Variants in NAV2 observed in about 807,000 individuals in gnomAD.
NAV2 encodes neuron navigator 2.
A neutral mutation model predicts 223.2 loss-of-function variants in NAV2; 54 were observed. The observed-to-expected ratio is 0.24, with a 90% CI of 0.19 to 0.30. The LOEUF (loss-of-function observed/expected upper bound fraction) is 0.30, where lower values mean the gene tolerates loss of function less well. NAV2 is among the 10% of genes least tolerant of loss of function. NAV2 has a pLI of 1.00. For missense variants in NAV2, 2,806 were observed against 3,147.5 expected (o/e 0.89, Z 2.60); for synonymous variants, 1,279 against 1,239.3 (o/e 1.03, Z -0.67).
At chr11:19,533,312 T>C (rs1180910676) in intron 1 of NAV2, among the ~76,000 whole-genome samples, 1 of 152,014 alleles carries the variant, frequency 6.6e-6, no homozygotes, top group Non-Finnish European at 1.5e-5. Context: ...ACCTACTAGA[T>C]GCCATTAGCG....
intron 6 of NAV2, among the ~76,000 whole-genome samples, chr11:19,930,072 G>C (rs1426066420): frequency 6.6e-6 from 1 of 152,144 alleles, no homozygotes; most frequent in African/African-American, 2.4e-5. Context: ...GGGGGCGGGA[G>C]CTTTATTCAA....
rs143049697 is a variant in NAV2, at chr11:19,440,039, A to G, written c.75+89012A>G. Reference sequence around the variant, plus strand: ...CATGTATTTGAAGTTATATAATTAAAAGCTAGATAATAGAAGCATTCTTTC... The same window carrying G: ...CATGTATTTGAAGTTATATAATTAAGAGCTAGATAATAGAAGCATTCTTTC... On this transcript the variant is annotated intron_variant, in intron 1 of 37. Transcript: ENST00000360655. 1.2e-4 allele frequency among the ~76,000 whole-genome samples: 19 copies of G among 152,366 alleles called. No homozygotes were observed. The South Asian group carries it at 2.5e-3, about 20-fold the overall frequency.
chr11:19,809,850 T>A (rs185295858), intron 1 of NAV2, among the ~76,000 whole-genome samples: 45 of 152,350 alleles, frequency 3.0e-4, no homozygotes, highest in Non-Finnish European at 2.2e-4. Flanking sequence ...TTGTAGGTTT[T>A]GGAGAGGAAG....
intron 19 of NAV2, 121 bp downstream of exon 19, chr11:20,056,078 C>G (rs2058346174): frequency 1.2e-6 from 1 of 801,330 alleles, no homozygotes; most frequent in Non-Finnish European, 2.0e-6. Flanking sequence ...TATAAGTGCT[C>G]CCACCTCTCC....
chr11:19,995,031 A>G (rs2051730445), intron 11 of NAV2, among the ~76,000 whole-genome samples: 1 of 152,208 alleles, frequency 6.6e-6, no homozygotes, highest in African/African-American at 2.4e-5. Flanking sequence ...TTTGGTGATG[A>G]TTATGAATGC....
intron 1 of NAV2, among the ~76,000 whole-genome samples, chr11:19,548,891 A>C (rs2044597354): frequency 6.6e-6 from 1 of 151,874 alleles, no homozygotes; most frequent in South Asian, 2.1e-4. Flanking sequence ...AAAAAAAAAA[A>C]AAAAACACCC....
intron 1 of NAV2, among the ~76,000 whole-genome samples, chr11:19,728,305 G>A (rs1590201124): frequency 6.6e-6 from 1 of 152,188 alleles, no homozygotes. Flanking sequence ...CGCATATTCA[G>A]TGGTTCTTCA....
intron 1 of NAV2, among the ~76,000 whole-genome samples, chr11:19,735,993 G>C (rs1190554643): frequency 2.6e-4 from 40 of 152,312 alleles, no homozygotes; most frequent in Non-Finnish European, 1.5e-5. Context: ...CACCTGCCTG[G>C]CTACCAGTAT....
At chr11:19,729,014 C>A (rs1230639301) in intron 1 of NAV2, among the ~76,000 whole-genome samples, 1 of 152,144 alleles carries the variant, frequency 6.6e-6, no homozygotes, top group South Asian at 2.1e-4. Context: ...ACCCAGGGAG[C>A]TTGTTAAGTG....
intron 1 of NAV2, among the ~76,000 whole-genome samples, chr11:19,536,104 G>A (rs899380899): frequency 1.3e-5 from 2 of 152,162 alleles, no homozygotes; most frequent in African/African-American, 4.8e-5. Flanking sequence ...GCAATGTTAC[G>A]TGCCAAGTCT....
intron 5 of NAV2, among the ~76,000 whole-genome samples, chr11:19,888,009 G>A (rs1050452953): frequency 5.3e-5 from 8 of 151,640 alleles, no homozygotes; most frequent in South Asian, 2.1e-4. Context: ...GGATGCACTC[G>A]TAGGTTATGT....
At chr11:19,945,306 A>T (rs1480125434) in intron 8 of NAV2, among the ~76,000 whole-genome samples, 10 of 129,468 alleles carry the variant, frequency 7.7e-5, no homozygotes, top group Middle Eastern at 0.011. Context: ...TGTCTTTCTC[A>T]TCTTTCTTTC....
At chr11:20,117,854 T>C (rs1337397434) in intron 37 of NAV2, among the ~76,000 whole-genome samples, 3 of 152,182 alleles carry the variant, frequency 2.0e-5, no homozygotes, top group Non-Finnish European at 4.4e-5. Context: ...AATCCACCCA[T>C]AACATTATAG....
At chr11:19,812,617 C>T (rs1489266915) in intron 1 of NAV2, among the ~76,000 whole-genome samples, 1 of 151,900 alleles carries the variant, frequency 6.6e-6, no homozygotes, top group Admixed American at 6.6e-5. Flanking sequence ...ACCTAAGATG[C>T]CTTGGTAGTG....
intron 1 of NAV2, among the ~76,000 whole-genome samples, chr11:19,514,898 C>T (rs939923999): frequency 6.6e-6 from 1 of 152,158 alleles, no homozygotes; most frequent in Non-Finnish European, 1.5e-5. Flanking sequence ...GGCCTCTGAG[C>T]TGTTTAATTC....
chr11:19,726,118 A>G (rs914608750), intron 1 of NAV2, among the ~76,000 whole-genome samples: 2 of 152,268 alleles, frequency 1.3e-5, no homozygotes, highest in African/African-American at 2.4e-5. Flanking sequence ...AGATATATCA[A>G]TAAAAGAAAT....
rs2060190627 is a variant in NAV2 at position 20,083,082 on chromosome 11, G to A, written c.5401G>A (p.Glu1801Lys). Reference protein sequence around the residue: ...KSASSHSDIEEMTDSSLPSSP... With the variant: ...KSASSHSDIEKMTDSSLPSSP... ...TGCGTCCTCTCATTCAGATATTGAGGAGATGACGGATTCTTCTTTGCCTTC... is the reference window on the plus strand; with the variant it reads ...TGCGTCCTCTCATTCAGATATTGAGAAGATGACGGATTCTTCTTTGCCTTC... The change falls in exon 26 of 38, where the codon GAG becomes AAG. Residue 1801 changes from glutamate to lysine, a missense_variant. By Grantham distance (56) the Glu-to-Lys change is moderately conservative. Transcript: ENST00000349880. 1 of 1,614,046 alleles carries A rather than the reference G, an allele frequency of 6.2e-7. No individual in the cohort carries two copies. The highest frequency in any genetic ancestry group is 8.5e-7 in the Non-Finnish European group (1 of 1,180,022).
At chr11:19,622,049 C>T (rs183881394) in intron 1 of NAV2, among the ~76,000 whole-genome samples, 33 of 152,294 alleles carry the variant, frequency 2.2e-4, no homozygotes, top group African/African-American at 7.9e-4. Flanking sequence ...GTTTAGTTTC[C>T]ATGTAGTTGA....
At chr11:19,981,053 C>T (rs371879880) in intron 10 of NAV2, among the ~76,000 whole-genome samples, 1 of 152,186 alleles carries the variant, frequency 6.6e-6, no homozygotes, top group East Asian at 1.9e-4. Flanking sequence ...CCTCTACATG[C>T]GCACGATAAG....
Sources: gnomAD v4.1 joint callset for allele counts (sites outside exome capture counted in the v4.1 genomes callset) on GRCh38, gnomAD v4.1.1 for gene constraint, MANE v1.5 for transcripts, NCBI Gene and HGNC (gene_info 2026-07-23, HGNC 2026-07-21) for gene names.